Variants in FBXL17 observed in about 807,000 individuals in gnomAD.
FBXL17 encodes the protein F-box and leucine rich repeat protein 17, also known as F-box/LRR-repeat protein 17.
FBXL17 carries 22 observed loss-of-function variants against 66.2 expected under a neutral mutation model. The observed-to-expected ratio is 0.33, with a 90% CI of 0.24 to 0.47. The LOEUF (loss-of-function observed/expected upper bound fraction) is 0.47, where lower values mean the gene tolerates loss of function less well. FBXL17 is among the 20% of genes least tolerant of loss of function. FBXL17 has a pLI of 1.00. For missense variants in FBXL17, 878 were observed against 948.2 expected (o/e 0.93, Z 0.97); for synonymous variants, 474 against 400.5 (o/e 1.18, Z -2.19).
In FBXL17 at chr5:108,219,928, C is replaced by CTTTTTTTTTTTT; in HGVS notation, c.1614+4181_1614+4192dup. Among the ~76,000 whole-genome samples, 223 of 37,480 alleles carry CTTTTTTTTTTTT rather than the reference C, an allele frequency of 5.9e-3. 2 individuals carry two copies. The highest frequency in any genetic ancestry group is 8.3e-3 in the East Asian group (6 of 726). The allele number at this position is 37,480 out of a possible 152,430, so 24.6% of individuals were successfully genotyped here. A position where few individuals can be genotyped will look rare whatever the true frequency, so the allele number is the denominator to read the frequency against. On this transcript the variant is annotated intron_variant, in intron 5 of 8. Coordinates refer to ENST00000542267, the MANE Select transcript of FBXL17 (RefSeq NM_001163315.3). ...TTTCCTCTTTGATCTTTACTATTTC[C>CTTTTTTTTTTTT]TTTTTTTTTTTTTTTTTTTTTTTGC...
intron 7 of FBXL17, among the ~76,000 whole-genome samples, chr5:107,954,199 T>G (rs934500279): frequency 2.6e-5 from 4 of 152,228 alleles, no homozygotes; most frequent in Non-Finnish European, 1.5e-5. Flanking sequence ...TTTAATATAC[T>G]AATTCCAAGT....
At chr5:108,253,294 T>C (rs919908264) in intron 4 of FBXL17, among the ~76,000 whole-genome samples, 6 of 152,130 alleles carry the variant, frequency 3.9e-5, no homozygotes, top group Admixed American at 1.3e-4. Context: ...TTTTCTGCAA[T>C]GGTAATTCTG....
intron 8 of FBXL17, among the ~76,000 whole-genome samples, chr5:107,871,586 A>C (rs1748456598): frequency 6.6e-6 from 1 of 152,222 alleles, no homozygotes; most frequent in African/African-American, 2.4e-5. Context: ...CTCTAAGGCC[A>C]CAAACCACTG....
chr5:107,868,461 T>C (rs146611827), intron 8 of FBXL17, among the ~76,000 whole-genome samples: 27 of 152,330 alleles, frequency 1.8e-4, no homozygotes, highest in South Asian at 4.1e-4. Flanking sequence ...CTTTGAAGCA[T>C]GATGGAAATG....
chr5:108,301,306 T>C lies in FBXL17; in HGVS notation c.1506+47093A>G, dbSNP rs562433309. On this transcript the variant is annotated intron_variant, in intron 4 of 8. Transcript: ENST00000542267. Reference sequence around the variant, plus strand: ...TGAATTCAAGAGCTTTAAAAATGCATAATAAAAAGAAGTTTTAAAAACAAT... The same window carrying C: ...TGAATTCAAGAGCTTTAAAAATGCACAATAAAAAGAAGTTTTAAAAACAAT... Among the ~76,000 whole-genome samples, 9 of 151,864 alleles carry C rather than the reference T, an allele frequency of 5.9e-5. No individual in the cohort carries two copies. In the South Asian group the frequency reaches 8.3e-4, roughly 14 times the overall value.
intron 5 of FBXL17, among the ~76,000 whole-genome samples, chr5:108,192,663 G>A (rs1474018826): frequency 5.3e-5 from 8 of 152,154 alleles, no homozygotes; most frequent in South Asian, 2.1e-4. Flanking sequence ...ATGGTCAGGC[G>A]TACCTGTAAT....
intron 1 of FBXL17, among the ~76,000 whole-genome samples, chr5:108,369,060 G>A (rs538471033): frequency 5.3e-5 from 8 of 152,248 alleles, no homozygotes; most frequent in South Asian, 4.1e-4. Context: ...ACAGATATGG[G>A]ACAAATGACA....
rs149416691 is a variant in FBXL17 at position 108,325,072 on chromosome 5, G to C, written c.1506+23327C>G. Among the ~76,000 whole-genome samples the C allele has an allele frequency of 2.6e-5, 4 of 152,122 alleles. No individual in the cohort carries two copies. The East Asian group carries it at 5.8e-4, about 22-fold the overall frequency. On this transcript the variant is annotated intron_variant, in intron 4 of 8. Coordinates refer to ENST00000542267, the MANE Select transcript of FBXL17 (RefSeq NM_001163315.3). ...AAAGCAGTGTATTGTTGTTTAATGG[G>C]TATAAAGTTCAGTTTTGCAAGATAA...
rs190875721 is a variant in FBXL17 at position 108,070,403 on chromosome 5, C to T, written c.1746-49402G>A. On this transcript the variant is annotated intron_variant, in intron 6 of 8. Transcript: ENST00000542267. ...ATTTCATACTGGCAAATGCAAAGAC[C>T]TTTTGATAATACCATGAAGAACTAA... Among the ~76,000 whole-genome samples the T allele has an allele frequency of 1.7e-3, 253 of 152,230 alleles. 1 individual carries two copies. Among genetic ancestry groups the T allele is most frequent in the African/African-American group, 5.7e-3 (238 of 41,546 alleles).
chr5:107,923,284 G>C (rs1750384600), intron 7 of FBXL17, among the ~76,000 whole-genome samples: 2 of 152,150 alleles, frequency 1.3e-5, no homozygotes, highest in African/African-American at 4.8e-5. Flanking sequence ...AAGACCCCTG[G>C]TGTGCTTGCC....
Position 108,381,533 on chromosome 5 carries a change from G to A in FBXL17, c.159C>T (p.Cys53=). 7.0e-7 allele frequency: 1 copy of A among 1,419,068 alleles called. No homozygotes were observed. Among genetic ancestry groups the A allele is most frequent in the Non-Finnish European group, 9.1e-7 (1 of 1,095,544 alleles). The allele number at this position is 1,419,068 out of a possible 1,614,324, so 87.9% of individuals were successfully genotyped here. The change falls in exon 1 of 9, where the codon TGC becomes TGT. Residue 53 remains cysteine, a synonymous_variant. Coordinates refer to ENST00000542267, the MANE Select transcript of FBXL17 (RefSeq NM_001163315.3). ...PQPAAPRSRD[C]FFRGPCMLCF... is the part of the protein sequence containing the mutation. ...AGAGCATGCAGGGCCCGCGGAAGAAGCAGTCCCGGCTCCGGGGCGCCGCCG... is the reference window on the plus strand; with the variant it reads ...AGAGCATGCAGGGCCCGCGGAAGAAACAGTCCCGGCTCCGGGGCGCCGCCG...
At chr5:108,313,378 A>G (rs536252527) in intron 4 of FBXL17, among the ~76,000 whole-genome samples, 22 of 152,214 alleles carry the variant, frequency 1.4e-4, no homozygotes, top group African/African-American at 5.3e-4. Flanking sequence ...AGCTGTCTTC[A>G]AAAAGCAGAC....
At chr5:108,184,586 T>C (rs1753149266) in intron 6 of FBXL17, among the ~76,000 whole-genome samples, 2 of 151,544 alleles carry the variant, frequency 1.3e-5, no homozygotes, top group South Asian at 2.1e-4. Flanking sequence ...GGATTACAAG[T>C]GTGAGCCACC....
chr5:108,006,012 T>C (rs918756621), intron 7 of FBXL17, among the ~76,000 whole-genome samples: 3 of 152,230 alleles, frequency 2.0e-5, no homozygotes, highest in Non-Finnish European at 4.4e-5. Flanking sequence ...GACACTGCCC[T>C]CTGGCAAGCT....
In FBXL17 at chr5:108,292,014, GAAT is replaced by G. The variant is rs139168088; in HGVS notation, c.1506+56382_1506+56384del. On this transcript the variant is annotated intron_variant, in intron 4 of 8. Transcript: ENST00000542267. The stretch of plus-strand genomic sequence containing the variant: ...ATCTCCATCCTCTACAGAATGATCA[GAAT>G]AATAATTCAAAAATGTAAATGGATG... Among the ~76,000 whole-genome samples the G allele has an allele frequency of 7.9e-3, 1,205 of 151,878 alleles. 16 individuals are homozygous for G. The highest frequency in any genetic ancestry group is 0.026 in the African/African-American group (1,089 of 41,390).
chr5:108,351,049 A>T (rs1747616720), intron 3 of FBXL17, among the ~76,000 whole-genome samples: 1 of 152,198 alleles, frequency 6.6e-6, no homozygotes, highest in Non-Finnish European at 1.5e-5. Flanking sequence ...GTAATTAAGT[A>T]TTCACATATA....
intron 8 of FBXL17, among the ~76,000 whole-genome samples, chr5:107,864,018 T>C (rs1748206585): frequency 6.6e-6 from 1 of 151,992 alleles, no homozygotes; most frequent in South Asian, 2.1e-4. Flanking sequence ...CCTTTTATCT[T>C]TGGGCTGTTC....
intron 4 of FBXL17, among the ~76,000 whole-genome samples, chr5:108,232,067 G>C (rs1211837341): frequency 6.6e-6 from 1 of 152,228 alleles, no homozygotes; most frequent in Non-Finnish European, 1.5e-5. Flanking sequence ...GTGACCACGT[G>C]ACCAGCGACA....
At chr5:108,114,084 A>C (rs1228614517) in intron 6 of FBXL17, among the ~76,000 whole-genome samples, 1 of 152,200 alleles carries the variant, frequency 6.6e-6, no homozygotes, top group Non-Finnish European at 1.5e-5. Context: ...AACTATTTGC[A>C]TTACACAGCA....
Sources: allele counts gnomAD v4.1 joint callset (sites outside exome capture counted in the v4.1 genomes callset), GRCh38; gene constraint gnomAD v4.1.1; transcripts MANE v1.5; gene names NCBI Gene and HGNC (gene_info 2026-07-23, HGNC 2026-07-21).